Variants in ANGPTL2 observed in about 807,000 individuals in gnomAD.
The protein encoded by ANGPTL2 is angiopoietin like 2.
In ANGPTL2, 25 loss-of-function variants were observed where a neutral mutation model predicts 52.8. The observed-to-expected ratio is 0.47, with a 90% CI of 0.35 to 0.66. The LOEUF is 0.66. Among genes scored for constraint, ANGPTL2 ranks in the 30% least tolerant of loss-of-function variants. The pLI, the probability that ANGPTL2 is intolerant of heterozygous loss-of-function variation, is 0.01. For missense variants in ANGPTL2, 546 were observed against 656.9 expected (o/e 0.83, Z 1.84); for synonymous variants, 276 against 277.4 (o/e 1.00, Z 0.05).
At chr9:127,110,648 CT>C (rs1284382261) in intron 1 of ANGPTL2, among the ~76,000 whole-genome samples, 1 of 152,190 alleles carries the variant, frequency 6.6e-6, no homozygotes, top group East Asian at 1.9e-4. Flanking sequence ...TTCCCCGTAT[CT>C]CCAACCCAAC....
At position 127,122,081 on chromosome 9, in the gene ANGPTL2, C is replaced by T. The variant is rs1037140246; in HGVS notation, c.-50+234G>A. ...CCAAAAGAGGAGAGTGAGGCTTACT[C>T]ATGAAGTCCTCGAGATGCCAGCCCA... On this transcript the variant is annotated intron_variant, in intron 1 of 4. Coordinates refer to ENST00000373425, the MANE Select transcript of ANGPTL2 (RefSeq NM_012098.3). The surrounding 1 kb of genome is among the most constrained non-coding windows in gnomAD (Gnocchi z 6.4). 1.3e-5 allele frequency among the ~76,000 whole-genome samples: 2 copies of T among 152,342 alleles called. No individual in the cohort carries two copies. Among genetic ancestry groups the T allele is most frequent in the Non-Finnish European group, 2.9e-5 (2 of 68,028 alleles).
At chr9:127,109,751 G>T (rs2054613446) in intron 1 of ANGPTL2, among the ~76,000 whole-genome samples, 4 of 152,214 alleles carry the variant, frequency 2.6e-5, no homozygotes, top group Admixed American at 2.6e-4. Flanking sequence ...CCCTCATGGG[G>T]CTTTCACATC....
chr9:127,116,089 A>G (rs1340480723), intron 1 of ANGPTL2, among the ~76,000 whole-genome samples: 1 of 152,100 alleles, frequency 6.6e-6, no homozygotes, highest in African/African-American at 2.4e-5. Context: ...TCACCCACCC[A>G]TTTAGCCTTC....
At chr9:127,107,772 G>C (rs981821376) in intron 2 of ANGPTL2, 143 bp downstream of exon 2, 1 of 822,872 alleles carries the variant, frequency 1.2e-6, no homozygotes, top group African/African-American at 1.7e-5. Context: ...CAGCAGCTCA[G>C]CCCAAGGGAT....
intron 1 of ANGPTL2, among the ~76,000 whole-genome samples, chr9:127,110,597 A>G (rs1019812044): frequency 6.6e-6 from 1 of 152,120 alleles, no homozygotes; most frequent in Admixed American, 6.5e-5. Context: ...CCACTTGACT[A>G]TCTGCTAGGT....
At chr9:127,097,120 A>G (rs935381281) in intron 2 of ANGPTL2, among the ~76,000 whole-genome samples, 1 of 152,262 alleles carries the variant, frequency 6.6e-6, no homozygotes, top group African/African-American at 2.4e-5. Context: ...CAGCGAAAAA[A>G]ATAAAACATA....
At chr9:127,102,995 A>C (rs2053880318) in intron 2 of ANGPTL2, among the ~76,000 whole-genome samples, 2 of 152,038 alleles carry the variant, frequency 1.3e-5, no homozygotes, top group African/African-American at 4.8e-5. Flanking sequence ...AGTCACCCTC[A>C]CTCGCCACCA....
intron 1 of ANGPTL2, among the ~76,000 whole-genome samples, chr9:127,111,448 A>C (rs901769441): frequency 4.6e-5 from 7 of 152,146 alleles, no homozygotes; most frequent in African/African-American, 1.7e-4. Context: ...AATACATAGG[A>C]GCTCAATAAA....
At chr9:127,094,249 GTGT>G (rs1228771967) in intron 2 of ANGPTL2, among the ~76,000 whole-genome samples, 1 of 152,122 alleles carries the variant, frequency 6.6e-6, no homozygotes, top group African/African-American at 2.4e-5. Context: ...CCCTCATATA[GTGT>G]TGTCAGGATT....
intron 4 of ANGPTL2, among the ~76,000 whole-genome samples, chr9:127,090,574 G>T (rs1424811160): frequency 6.6e-6 from 1 of 152,234 alleles, no homozygotes; most frequent in African/African-American, 2.4e-5. Flanking sequence ...TGGGGACCTG[G>T]CATGAGGATC....
At chr9:127,109,259 T>C (rs939483532) in intron 1 of ANGPTL2, among the ~76,000 whole-genome samples, 4 of 152,270 alleles carry the variant, frequency 2.6e-5, no homozygotes, top group Admixed American at 2.6e-4. Context: ...ACCGCTGTGC[T>C]GAATAGCAGT....
At chr9:127,120,568 A>C (rs954993987) in intron 1 of ANGPTL2, among the ~76,000 whole-genome samples, 1 of 152,244 alleles carries the variant, frequency 6.6e-6, no homozygotes, top group Non-Finnish European at 1.5e-5. Context: ...TCACGCCTGC[A>C]ATCCCAGCAC....
At chr9:127,104,885 A>T (rs1410610899) in intron 2 of ANGPTL2, among the ~76,000 whole-genome samples, 1 of 152,244 alleles carries the variant, frequency 6.6e-6, no homozygotes, top group African/African-American at 2.4e-5. Flanking sequence ...CTGTTGGGTA[A>T]GAGCACAGAA....
intron 3 of ANGPTL2, among the ~76,000 whole-genome samples, chr9:127,092,873 G>T (rs563150311): frequency 6.6e-6 from 1 of 152,190 alleles, no homozygotes; most frequent in Admixed American, 6.5e-5. Context: ...CTCAAGAAGG[G>T]GCATGGCAGA....
At chr9:127,093,706 G>A (rs756069431) in intron 3 of ANGPTL2, 27 bp downstream of exon 3, 28 of 1,611,720 alleles carry the variant, frequency 1.7e-5, no homozygotes, top group Admixed American at 5.0e-5. Context: ...CTTGTGGGCA[G>A]CACAGACATC....
chr9:127,104,409 G>GA (rs1403928601), intron 2 of ANGPTL2, among the ~76,000 whole-genome samples: 16 of 152,330 alleles, frequency 1.1e-4, no homozygotes, highest in Admixed American at 8.5e-4. Context: ...GCCTCTTAGA[G>GA]AATGACCCCT....
At position 127,108,647 on chromosome 9, in the gene ANGPTL2, C is replaced by T. The variant is rs748726765; in HGVS notation, c.85G>A (p.Gly29Ser). 62 of 1,613,552 alleles carry T rather than the reference C, an allele frequency of 3.8e-5. No individual in the cohort carries two copies. The highest frequency in any genetic ancestry group is 4.7e-5 in the Non-Finnish European group (56 of 1,179,966). ...AVAGQEDGFE[G>S]TEEGSPREFI... ...TCTCTTGGCGAGCCCTCCTCAGTGC[C>T]CTCAAAACCGTCCTCCTGGCCTGCA... is the stretch of plus-strand genomic sequence containing the variant. The change falls in exon 2 of 5, where the codon GGC becomes AGC. Residue 29 changes from glycine (G) to serine (S), a missense_variant. Gly to Ser is a moderately conservative substitution (Grantham distance 56). This residue lies in a region of ANGPTL2 where 285 missense variants were observed against 295.8 expected (regional missense o/e 0.96). Coordinates refer to ENST00000373425, the MANE Select transcript of ANGPTL2 (RefSeq NM_012098.3).
At position 127,108,109 on chromosome 9, in the gene ANGPTL2, G is replaced by A. The variant is rs755814415; in HGVS notation, c.623C>T (p.Pro208Leu). The A allele has an allele frequency of 1.2e-6, 2 of 1,613,076 alleles. No homozygotes were observed. Among genetic ancestry groups the A allele is most frequent in the Non-Finnish European group, 1.7e-6 (2 of 1,179,440 alleles). Reference protein sequence around the residue: ...AQLEEHCQRVPSARPVPQPPP... With the variant: ...AQLEEHCQRVLSARPVPQPPP... ...TGGCTGGGGGACGGGCCTGGCCGAGGGCACCCTCTGGCAGTGCTCCTCAAG... is the reference window on the plus strand; with the variant it reads ...TGGCTGGGGGACGGGCCTGGCCGAGAGCACCCTCTGGCAGTGCTCCTCAAG... Residue 208 changes from proline to leucine, a missense_variant, in exon 2 of 5, where the codon CCC becomes CTC. Transcript: ENST00000373425.
At chr9:127,101,110 A>G (rs370191369) in intron 2 of ANGPTL2, among the ~76,000 whole-genome samples, 21 of 152,358 alleles carry the variant, frequency 1.4e-4, no homozygotes, top group South Asian at 1.0e-3. Flanking sequence ...CAACCCCAGG[A>G]AAGCTACTTT....
Sources: allele counts gnomAD v4.1 joint callset (sites outside exome capture counted in the v4.1 genomes callset), GRCh38; gene constraint gnomAD v4.1.1; regional missense constraint gnomAD v4.1.1; non-coding constraint Gnocchi (gnomAD v3.1); transcripts MANE v1.5; gene names NCBI Gene and HGNC (gene_info 2026-07-23, HGNC 2026-07-21).